The following SND1 variants were observed in gnomAD, a reference collection of about 807,000 sequenced individuals.
The protein encoded by SND1 is staphylococcal nuclease domain-containing protein 1.
In SND1, 38 loss-of-function variants were observed where a neutral mutation model predicts 121.7. That is an observed-to-expected ratio of 0.31 (90% CI 0.24 to 0.41). The LOEUF (loss-of-function observed/expected upper bound fraction) is 0.41, where lower values mean the gene tolerates loss of function less well. SND1 is among the 10% of genes least tolerant of loss of function. SND1 has a pLI of 1.00. For missense variants in SND1, 868 were observed against 1,184.6 expected, an observed-to-expected ratio of 0.73 and a Z score of 3.92; for synonymous variants, 401 against 447.4, an observed-to-expected ratio of 0.90 and a Z score of 1.31.
chr7:127,735,876 C>T (rs746433359), intron 10 of SND1, among the ~76,000 whole-genome samples: 9 of 152,258 alleles, frequency 5.9e-5, no homozygotes, highest in African/African-American at 7.2e-5. Context: ...ATCCCCCGCC[C>T]GCCCCAGCCT....
intron 16 of SND1, among the ~76,000 whole-genome samples, chr7:128,068,049 C>G (rs1348033255): frequency 1.3e-5 from 2 of 152,136 alleles, no homozygotes; most frequent in Non-Finnish European, 2.9e-5. Context: ...CTGGAGGAGG[C>G]TTTAGGAGAG....
At chr7:127,842,218 A>G (rs1050644786) in intron 11 of SND1, among the ~76,000 whole-genome samples, 4 of 152,176 alleles carry the variant, frequency 2.6e-5, no homozygotes, top group African/African-American at 9.7e-5. Flanking sequence ...CTGAAGATGT[A>G]TTTAGAAAAG....
intron 14 of SND1, among the ~76,000 whole-genome samples, chr7:127,926,070 T>C (rs772159681): frequency 3.9e-5 from 6 of 152,118 alleles, no homozygotes; most frequent in Non-Finnish European, 8.8e-5. Context: ...TAATCAGAAT[T>C]TCTAAAATAA....
chr7:127,766,680 C>CAGG (rs1380172799), intron 10 of SND1, among the ~76,000 whole-genome samples: 19 of 128,690 alleles, frequency 1.5e-4, no homozygotes, highest in Admixed American at 5.1e-4. Context: ...GAGGCTGAGG[C>CAGG]AGAATGGCGT....
chr7:127,653,411 C>T (rs1020497099), intron 1 of SND1, among the ~76,000 whole-genome samples: 1 of 152,084 alleles, frequency 6.6e-6, no homozygotes, highest in African/African-American at 2.4e-5. Context: ...TTCTAGATGT[C>T]GTTTCATACT....
intron 14 of SND1, among the ~76,000 whole-genome samples, chr7:127,923,255 C>T (rs557132911): frequency 5.3e-5 from 8 of 152,340 alleles, no homozygotes; most frequent in African/African-American, 1.9e-4. Context: ...CATGCGCCAC[C>T]CTGCCCAATT....
At chr7:127,826,343 C>T (rs1045395657) in intron 11 of SND1, among the ~76,000 whole-genome samples, 72 of 151,140 alleles carry the variant, frequency 4.8e-4, no homozygotes, top group African/African-American at 1.5e-3. Context: ...TTTTTTTGAA[C>T]TATGGTGATG....
At chr7:127,704,818 C>G (rs1286647381) in intron 7 of SND1, 21 bp from the exon 8 acceptor site, 3 of 1,597,746 alleles carry the variant, frequency 1.9e-6, no homozygotes, top group African/African-American at 2.7e-5. Flanking sequence ...GTGCCTGCCT[C>G]TCATGTACCT....
intron 16 of SND1, among the ~76,000 whole-genome samples, chr7:128,053,232 G>A (rs2117023463): frequency 1.3e-5 from 2 of 152,316 alleles, no homozygotes; most frequent in African/African-American, 4.8e-5. Flanking sequence ...TTGGCAGTAA[G>A]CCAAATAGCT....
chr7:127,836,715 A>G (rs1433966291), intron 11 of SND1, among the ~76,000 whole-genome samples: 2 of 152,170 alleles, frequency 1.3e-5, no homozygotes, highest in East Asian at 3.8e-4. Context: ...TTAACTACAA[A>G]AACAGTTATT....
At chr7:127,867,309 C>T (rs1333778448) in intron 12 of SND1, among the ~76,000 whole-genome samples, 1 of 152,130 alleles carries the variant, frequency 6.6e-6, no homozygotes, top group Non-Finnish European at 1.5e-5. Context: ...ACCACACTTT[C>T]GTGGATTTCC....
intron 16 of SND1, among the ~76,000 whole-genome samples, chr7:128,031,234 C>G (rs1463460322): frequency 6.6e-6 from 1 of 151,774 alleles, no homozygotes; most frequent in Non-Finnish European, 1.5e-5. Flanking sequence ...CGGCTTTGTC[C>G]TTGGACCCTG....
intron 12 of SND1, among the ~76,000 whole-genome samples, chr7:127,855,841 C>A (rs1799263963): frequency 6.6e-6 from 1 of 152,220 alleles, no homozygotes; most frequent in South Asian, 2.1e-4. Context: ...AACTCATCCA[C>A]TAATGTGATT....
chr7:128,025,807 C>T (rs192066825), intron 16 of SND1, among the ~76,000 whole-genome samples: 3 of 152,124 alleles, frequency 2.0e-5, no homozygotes, highest in Non-Finnish European at 4.4e-5. Context: ...CTTAGTCTCC[C>T]CCAACTCCTT....
intron 16 of SND1, among the ~76,000 whole-genome samples, chr7:128,058,173 G>A (rs898639461): frequency 4.6e-5 from 7 of 152,240 alleles, no homozygotes; most frequent in African/African-American, 7.2e-5. Context: ...TCAGCCAAAG[G>A]CCTGCAGTGT....
At chr7:127,866,353 T>C (rs1259363133) in intron 12 of SND1, among the ~76,000 whole-genome samples, 1 of 152,340 alleles carries the variant, frequency 6.6e-6, no homozygotes, top group East Asian at 1.9e-4. Flanking sequence ...TCAAGAAGCA[T>C]ATAGCATTTT....
intron 10 of SND1, among the ~76,000 whole-genome samples, chr7:127,772,611 C>T (rs1797534701): frequency 6.6e-6 from 1 of 152,170 alleles, no homozygotes; most frequent in African/African-American, 2.4e-5. Flanking sequence ...TCTGTGCTGC[C>T]ACAATGCAGA....
intron 12 of SND1, among the ~76,000 whole-genome samples, chr7:127,850,394 A>T (rs1042109442): frequency 6.6e-5 from 10 of 152,186 alleles, no homozygotes; most frequent in Non-Finnish European, 1.5e-4. Flanking sequence ...TGGCCTAGTC[A>T]TCTTACCCAG....
Position 128,052,177 on chromosome 7 carries a change from G to A in SND1, c.1780-22325G>A, listed in dbSNP as rs749595321. On this transcript the variant is annotated intron_variant, in intron 16 of 23. Transcript: ENST00000354725. This position sits in a 1 kb window ranked among gnomAD's most constrained non-coding sequence, Gnocchi z 4.6. ...TGGAACTCACTAGGGCTTTCTGAGG[G>A]CAACATCAGGCCCAGAGGAGCTGCC... Among the ~76,000 whole-genome samples the A allele has an allele frequency of 6.6e-6, 1 of 152,166 alleles. No homozygotes were observed. The highest frequency in any genetic ancestry group is 1.5e-5 in the Non-Finnish European group (1 of 68,044).
Sources: allele counts gnomAD v4.1 joint callset (sites outside exome capture counted in the v4.1 genomes callset), GRCh38; gene constraint gnomAD v4.1.1; non-coding constraint Gnocchi (gnomAD v3.1); transcripts MANE v1.5; gene names NCBI Gene and HGNC (gene_info 2026-07-23, HGNC 2026-07-21).